Variants in RBM19 observed in about 807,000 individuals in gnomAD.
RBM19 encodes RNA binding motif protein 19, also known as probable RNA-binding protein 19.
RBM19 carries 94 observed loss-of-function variants against 116.8 expected under a neutral mutation model. The ratio of observed to expected loss-of-function variants is 0.80; its 90% CI spans 0.68 to 0.95. RBM19 has a LOEUF of 0.95. Ranked by LOEUF, RBM19 falls within the 40% of genes least tolerant of loss-of-function variation. The probability of loss-of-function intolerance (pLI) is 0.00; values close to 1 mark genes in which losing one functional copy is unlikely to be tolerated. For missense variants in RBM19, 1,161 were observed against 1,220.7 expected (o/e 0.95, Z 0.73); for synonymous variants, 475 against 494.1 (o/e 0.96, Z 0.51).
At chr12:113,868,103 C>T (rs1878967490) in intron 21 of RBM19, among the ~76,000 whole-genome samples, 1 of 152,186 alleles carries the variant, frequency 6.6e-6, no homozygotes. Flanking sequence ...CCATGTATTA[C>T]TCTTATGCGT....
At chr12:113,931,163 G>GAATTGTAAATGTAAATTGTAAAT in intron 16 of RBM19, among the ~76,000 whole-genome samples, 1 of 152,306 alleles carries the variant, frequency 6.6e-6, no homozygotes, top group East Asian at 1.9e-4. Context: ...GTAAATTAAT[G>GAATTGTAAATGTAAATTGTAAAT]TGAGTATATT....
At chr12:113,910,185 A>G (rs940765049) in intron 21 of RBM19, among the ~76,000 whole-genome samples, 1 of 152,162 alleles carries the variant, frequency 6.6e-6, no homozygotes, top group African/African-American at 2.4e-5. Flanking sequence ...ACATGCTCCC[A>G]TAAACACCTC....
intron 6 of RBM19, 38 bp downstream of exon 6, chr12:113,957,744 G>A (rs11066852): frequency 0.11 from 162,633 of 1,529,270 alleles, 9,068 homozygotes; most frequent in South Asian, 0.16. Context: ...GCAGGAGAGC[G>A]CACCTCCTCC....
intron 16 of RBM19, among the ~76,000 whole-genome samples, chr12:113,928,625 A>ATGTGTGTGTGTGTG (rs57242923): frequency 0.076 from 9,156 of 120,210 alleles, 512 homozygotes; most frequent in South Asian, 0.094. Flanking sequence ...TTAGCAAGGG[A>ATGTGTGTGTGTGTG]TGTGTGTGTG....
At chr12:113,858,742 ACTGGAAAGGGGAGGC>A in intron 22 of RBM19, 34 bp downstream of exon 22, 1 of 1,551,848 alleles carries the variant, frequency 6.4e-7, no homozygotes, top group Non-Finnish European at 8.9e-7. Flanking sequence ...TACAATGGGT[ACTGGAAAGGGGAGGC>A]CTGGACAGGT....
chr12:113,879,431 T>TTATATATA (rs5801011), intron 21 of RBM19, among the ~76,000 whole-genome samples: 10,301 of 132,530 alleles, frequency 0.078, 671 homozygotes, highest in East Asian at 0.24. Context: ...TACATACATT[T>TTATATATA]TATATATATA....
At chr12:113,844,478 G>A (rs542698814) in intron 23 of RBM19, among the ~76,000 whole-genome samples, 190 bp downstream of exon 23, 12 of 152,182 alleles carry the variant, frequency 7.9e-5, no homozygotes, top group Non-Finnish European at 1.3e-4. Context: ...CCAGCCTCCC[G>A]GCAGGGAGTG....
chr12:113,925,578 C>G (rs1056480360), intron 17 of RBM19, among the ~76,000 whole-genome samples: 5 of 152,206 alleles, frequency 3.3e-5, no homozygotes, highest in African/African-American at 1.2e-4. Context: ...ACGCATGGCT[C>G]TCCACTCAAG....
In RBM19 at chr12:113,844,512, C is replaced by A. The variant is rs541288117; in HGVS notation, c.2785+156G>T. Among the ~76,000 whole-genome samples the A allele has an allele frequency of 5.3e-5, 8 of 150,748 alleles. No individual in the cohort carries two copies. The East Asian group carries it at 1.4e-3, about 25-fold the overall frequency. On this transcript the variant is annotated intron_variant, in intron 23 of 23. Transcript: ENST00000261741. ...TGCCCAAGGAAGGTGGACAGCAGGTCTGGAGGGGCTGTGGGAGGATGCCCA... is the reference window on the plus strand; with the variant it reads ...TGCCCAAGGAAGGTGGACAGCAGGTATGGAGGGGCTGTGGGAGGATGCCCA...
chr12:113,883,993 T>C (rs1233120659), intron 21 of RBM19, among the ~76,000 whole-genome samples: 1 of 151,870 alleles, frequency 6.6e-6, no homozygotes, highest in Non-Finnish European at 1.5e-5. Flanking sequence ...AATATATACA[T>C]GTTGGGCACA....
chr12:113,845,967 A>G (rs1414268571), intron 22 of RBM19, among the ~76,000 whole-genome samples: 1 of 152,232 alleles, frequency 6.6e-6, no homozygotes, highest in Non-Finnish European at 1.5e-5. Context: ...GCCAATCTCA[A>G]GGGTTCTAGG....
intron 23 of RBM19, among the ~76,000 whole-genome samples, chr12:113,839,007 T>C (rs535493955): frequency 1.3e-5 from 2 of 152,372 alleles, no homozygotes; most frequent in African/African-American, 4.8e-5. Flanking sequence ...TTAAGATGCC[T>C]GCCTGCCTTT....
intron 23 of RBM19, among the ~76,000 whole-genome samples, chr12:113,836,054 C>T (rs1325841954): frequency 6.6e-6 from 1 of 152,222 alleles, no homozygotes; most frequent in Non-Finnish European, 1.5e-5. Flanking sequence ...GTTTGTAACA[C>T]GCTCAGGAAG....
In RBM19 at chr12:113,940,072, T is replaced by C. The variant is rs2290789; in HGVS notation, c.1826A>G (p.His609Arg). Residue 609 changes from histidine to arginine, a missense_variant, in exon 15 of 24, where the codon CAT becomes CGT. Transcript: ENST00000261741. ...CAGCACGCGGCCCAGGCTGCCAAAA[T>C]GGCCGAAGGTCTCCTGCAGCTGGGC... ...LAAQLQETFG[H>R]FGSLGRVLLP... 191,220 of 1,613,888 alleles carry C rather than the reference T, an allele frequency of 0.12. 13,596 individuals are homozygous for C. Among genetic ancestry groups the C allele is most frequent in the African/African-American group, 0.33 (24,513 of 74,988 alleles).
chr12:113,946,964 T>A (rs3782459), intron 11 of RBM19, among the ~76,000 whole-genome samples: 25,009 of 152,200 alleles, frequency 0.16, 2,798 homozygotes, highest in African/African-American at 0.32. Context: ...GAAGTTTCTT[T>A]TATTCCACTG....
chr12:113,958,181 C>A lies in RBM19; in HGVS notation c.572-131G>T, dbSNP rs1292913431. The A allele has an allele frequency of 4.7e-6, 7 of 1,474,162 alleles. No homozygotes were observed. In the Admixed American group the frequency reaches 9.9e-5, roughly 21 times the overall value. 91.3% of individuals were successfully genotyped at this position (1,474,162 alleles called of 1,614,324 possible). On this transcript the variant is annotated intron_variant, in intron 5 of 23. Transcript: ENST00000261741. The stretch of plus-strand genomic sequence containing the variant: ...CCCACCGTGTCCATGGCCCCTGTGC[C>A]CAGCATCCCCCATAAGTCCTCTGAT...
chr12:113,933,861 G>A (rs1174355699), intron 16 of RBM19, among the ~76,000 whole-genome samples: 2 of 152,214 alleles, frequency 1.3e-5, no homozygotes, highest in African/African-American at 4.8e-5. Flanking sequence ...GTGCATCTGT[G>A]TGGTGTCCAT....
At chr12:113,936,415 G>C (rs539089428) in intron 16 of RBM19, among the ~76,000 whole-genome samples, 62 of 152,338 alleles carry the variant, frequency 4.1e-4, no homozygotes, top group Middle Eastern at 3.4e-3. Context: ...CAAGGACTGG[G>C]GGCACTCGTG....
At chr12:113,834,868 T>G (rs1039666219) in intron 23 of RBM19, among the ~76,000 whole-genome samples, 1 of 152,194 alleles carries the variant, frequency 6.6e-6, no homozygotes. Flanking sequence ...AGCAACACTG[T>G]TCTTAAGGGA....
Sources: allele counts gnomAD v4.1 joint callset (sites outside exome capture counted in the v4.1 genomes callset), GRCh38; gene constraint gnomAD v4.1.1; transcripts MANE v1.5; gene names NCBI Gene and HGNC (gene_info 2026-07-23, HGNC 2026-07-21).